ARHGAP23: variants seen among roughly 807,000 people sequenced by gnomAD.
ARHGAP23 encodes rho GTPase-activating protein 23.
Under a neutral mutation model 136.3 loss-of-function variants are expected in ARHGAP23, and 34 were observed. The observed-to-expected ratio is 0.25, with a 90% confidence interval of 0.19 to 0.33. ARHGAP23 has a LOEUF of 0.33. Among genes scored for constraint, ARHGAP23 ranks in the 10% least tolerant of loss-of-function variants. The pLI is 1.00. For missense variants in ARHGAP23, 1,808 were observed against 2,139.0 expected (o/e 0.85, Z 3.05); for synonymous variants, 832 against 920.5 (o/e 0.90, Z 1.74).
chr17:38,434,100 C>T (rs2038741196), intron 1 of ARHGAP23, among the ~76,000 whole-genome samples: 1 of 152,162 alleles, frequency 6.6e-6, no homozygotes, highest in Admixed American at 6.5e-5. Context: ...GCTGGGATTA[C>T]AAGCGTGAGC....
intron 20 of ARHGAP23, among the ~76,000 whole-genome samples, chr17:38,495,906 A>AT (rs58922479): frequency 1.3e-5 from 2 of 151,488 alleles, no homozygotes; most frequent in Non-Finnish European, 2.9e-5. Flanking sequence ...TTATTCATTT[A>AT]TTTTTTTTGA....
intron 10 of ARHGAP23, among the ~76,000 whole-genome samples, chr17:38,471,062 C>T (rs746436268): frequency 3.3e-5 from 5 of 151,992 alleles, no homozygotes; most frequent in East Asian, 1.9e-4. Flanking sequence ...AACCGATTCT[C>T]GTGCCTCAGC....
chr17:38,468,555 A>G (rs2039668514), intron 7 of ARHGAP23, among the ~76,000 whole-genome samples: 2 of 152,162 alleles, frequency 1.3e-5, no homozygotes, highest in African/African-American at 2.4e-5. Context: ...GGCAGGGGGA[A>G]GACACAGCCC....
At position 38,466,360 on chromosome 17, in the gene ARHGAP23, G is replaced by A. The variant is rs1170241172; in HGVS notation, c.677G>A (p.Ser226Asn). Residue 226 changes from serine (S) to asparagine (N), a missense_variant, in exon 7 of 24, where the codon AGT becomes AAT. Transcript: ENST00000622683. Reference sequence around the variant, plus strand: ...GACCCCCGGAGTCCTGCTGCCTGGAGTGACCCGGGGCTCCGTGTGCCACCT... The same window carrying A: ...GACCCCCGGAGTCCTGCTGCCTGGAATGACCCGGGGCTCCGTGTGCCACCT... The part of the protein sequence containing the change: ...PSDPRSPAAW[S>N]DPGLRVPPAA... The A allele has an allele frequency of 3.9e-6, 6 of 1,540,242 alleles. No homozygotes were observed. In the East Asian group the frequency reaches 9.8e-5, roughly 25 times the overall value.
chr17:38,482,029 T>G lies in ARHGAP23; in HGVS notation c.2637T>G (p.Ser879Arg). 1 of 1,538,828 alleles carries G rather than the reference T, an allele frequency of 6.5e-7. No individual in the cohort carries two copies. The highest frequency in any genetic ancestry group is 8.8e-7 in the Non-Finnish European group (1 of 1,142,748). The stretch of plus-strand genomic sequence containing the variant: ...CTGTCTCCCCCACTTCAGATGACAG[T>G]GCTGCAGCCCCCAAAACCCCCTGGG... ...QDLPAGSKDD[S>R]AAAPKTPWGI... The change falls in exon 15 of 24, where the codon AGT (serine) becomes AGG (arginine). Residue 879 changes from serine to arginine, a missense_variant. Physicochemically the swap from Ser to Arg is moderately radical, Grantham distance 110. Transcript: ENST00000622683.
At chr17:38,438,448 T>G (rs906950787) in intron 1 of ARHGAP23, among the ~76,000 whole-genome samples, 2 of 152,006 alleles carry the variant, frequency 1.3e-5, no homozygotes, top group Admixed American at 1.3e-4. Context: ...CAGCTTGGCC[T>G]CTTAAGGGAT....
intron 19 of ARHGAP23, among the ~76,000 whole-genome samples, chr17:38,490,778 C>T (rs114918731): frequency 0.012 from 1,765 of 152,312 alleles, 37 homozygotes; most frequent in African/African-American, 0.039. Flanking sequence ...CAGGGAACCC[C>T]GGCCCCCCGT....
chr17:38,486,492 G>C (rs1790673986), intron 17 of ARHGAP23, among the ~76,000 whole-genome samples: 1 of 148,840 alleles, frequency 6.7e-6, no homozygotes, highest in South Asian at 2.1e-4. Flanking sequence ...GCCTGCCCCA[G>C]CCTCACAAAA....
intron 1 of ARHGAP23, chr17:38,450,764 C>T (rs2039143173): frequency 6.6e-6 from 1 of 152,214 alleles, no homozygotes; most frequent in Non-Finnish European, 1.5e-5. Context: ...TTATCTGATT[C>T]TTAGGGTGTC....
intron 1 of ARHGAP23, among the ~76,000 whole-genome samples, chr17:38,447,490 T>C (rs1374036108): frequency 3.6e-5 from 5 of 140,498 alleles, no homozygotes; most frequent in East Asian, 2.1e-4. Context: ...GAGCCCGCTA[T>C]GCACAAAGCT....
chr17:38,427,478 A>C (rs2038587111), upstream of ARHGAP23, among the ~76,000 whole-genome samples: 1 of 151,102 alleles, frequency 6.6e-6, no homozygotes, highest in African/African-American at 2.4e-5. Flanking sequence ...AAAAAAAGGA[A>C]AAGAAAGACA....
At chr17:38,478,393 G>A (rs2144702092) in intron 12 of ARHGAP23, among the ~76,000 whole-genome samples, 1 of 150,992 alleles carries the variant, frequency 6.6e-6, no homozygotes, top group Admixed American at 6.6e-5. Context: ...TGGAGCCAAG[G>A]GCCTCGGCAG....
chr17:38,440,714 CAA>C (rs1457884994), intron 1 of ARHGAP23, among the ~76,000 whole-genome samples: 2 of 152,222 alleles, frequency 1.3e-5, no homozygotes, highest in East Asian at 3.8e-4. Flanking sequence ...TGGGGGCACA[CAA>C]GTGGCCGGAC....
chr17:38,452,555 A>G (rs34624250), intron 1 of ARHGAP23: 19,286 of 152,084 alleles, frequency 0.13, 1,399 homozygotes, highest in Middle Eastern at 0.26. Context: ...TTGGGATGAG[A>G]GGCCCTGGGG....
chr17:38,492,502 G>A (rs1201039032), intron 20 of ARHGAP23, among the ~76,000 whole-genome samples: 3 of 152,202 alleles, frequency 2.0e-5, no homozygotes, highest in Non-Finnish European at 4.4e-5. Context: ...CAGCTAATAA[G>A]TGGCAGCCCA....
chr17:38,498,205 C>G (rs73302646), intron 21 of ARHGAP23, among the ~76,000 whole-genome samples: 19,513 of 152,154 alleles, frequency 0.13, 1,770 homozygotes, highest in African/African-American at 0.26. Context: ...TCGCGGTTCC[C>G]AGGTGTTGAG....
chr17:38,501,032 G>A (rs1370658190), intron 23 of ARHGAP23: 1 of 181,950 alleles, frequency 5.5e-6, no homozygotes, highest in African/African-American at 2.4e-5. Context: ...AAATCTGTGG[G>A]GTGCTATAAT....
upstream of ARHGAP23, among the ~76,000 whole-genome samples, chr17:38,425,838 GGGTGCAGGTCAA>G (rs544904587): frequency 2.2e-4 from 34 of 152,206 alleles, no homozygotes; most frequent in Admixed American, 8.5e-4. Flanking sequence ...GACAGGGTGG[GGGTGCAGGTCAA>G]GGTGCAGGAA....
At chr17:38,439,572 T>G (rs2038875892) in intron 1 of ARHGAP23, among the ~76,000 whole-genome samples, 1 of 152,224 alleles carries the variant, frequency 6.6e-6, no homozygotes, top group African/African-American at 2.4e-5. Context: ...ATTGCGGGCC[T>G]CAGGGCCAGA....
Sources: allele counts gnomAD v4.1 joint callset (sites outside exome capture counted in the v4.1 genomes callset), GRCh38; gene constraint gnomAD v4.1.1; transcripts MANE v1.5; gene names NCBI Gene and HGNC (gene_info 2026-07-23, HGNC 2026-07-21).